The following EIPR1 variants were observed in gnomAD, a reference collection of about 807,000 sequenced individuals.
EIPR1 encodes the protein EARP complex and GARP complex interacting protein 1, also known as EARP and GARP complex-interacting protein 1.
In EIPR1, 25 loss-of-function variants were observed where a neutral mutation model predicts 48.1. The ratio of observed to expected loss-of-function variants is 0.52; its 90% CI spans 0.38 to 0.73. The LOEUF is 0.73. EIPR1 is among the 30% of genes least tolerant of loss of function. EIPR1 has a pLI of 0.00. For missense variants in EIPR1, 415 were observed against 506.2 expected, an observed-to-expected ratio of 0.82 and a Z score of 1.73; for synonymous variants, 204 against 201.9, an observed-to-expected ratio of 1.01 and a Z score of -0.09.
At chr2:3,221,829 A>C (rs1265600523) in intron 4 of EIPR1, among the ~76,000 whole-genome samples, 1 of 149,386 alleles carries the variant, frequency 6.7e-6, no homozygotes, top group Non-Finnish European at 1.5e-5. Flanking sequence ...CAAGCCCACA[A>C]TGGCCGAGAT....
At chr2:3,216,379 C>T (rs1186520746) in intron 4 of EIPR1, among the ~76,000 whole-genome samples, 7 of 152,088 alleles carry the variant, frequency 4.6e-5, no homozygotes, top group Non-Finnish European at 7.4e-5. Context: ...GTGGGCTATG[C>T]CAACAATGCA....
chr2:3,309,157 A>T (rs1669044868), intron 3 of EIPR1, among the ~76,000 whole-genome samples: 1 of 152,212 alleles, frequency 6.6e-6, no homozygotes, highest in South Asian at 2.1e-4. Context: ...ACCACATCTG[A>T]TGGTCAATGT....
intron 5 of EIPR1, among the ~76,000 whole-genome samples, chr2:3,197,445 C>A (rs775222671): frequency 6.6e-6 from 1 of 152,212 alleles, no homozygotes; most frequent in South Asian, 2.1e-4. Context: ...CCAGTGCACG[C>A]CCTCTTCCCT....
At chr2:3,349,036 G>C (rs1670489394) in intron 2 of EIPR1, among the ~76,000 whole-genome samples, 1 of 152,246 alleles carries the variant, frequency 6.6e-6, no homozygotes, top group Admixed American at 6.5e-5. Flanking sequence ...TCTCACCCCA[G>C]AGACACGGCA....
intron 4 of EIPR1, among the ~76,000 whole-genome samples, chr2:3,256,522 T>C (rs1401029325): frequency 6.6e-6 from 1 of 152,192 alleles, no homozygotes; most frequent in Non-Finnish European, 1.5e-5. Flanking sequence ...TAAATTTATT[T>C]AATTGGTAGA....
At chr2:3,210,654 G>A (rs12998568) in intron 5 of EIPR1, among the ~76,000 whole-genome samples, 125,510 of 137,424 alleles carry the variant, frequency 0.91, 57,677 homozygotes, top group East Asian at 0.98. Context: ...TTTTTGAGAC[G>A]GAGTCTCGCT....
intron 4 of EIPR1, among the ~76,000 whole-genome samples, chr2:3,247,763 G>T (rs1435936310): frequency 6.6e-6 from 1 of 152,088 alleles, no homozygotes; most frequent in African/African-American, 2.4e-5. Flanking sequence ...TTTAATAGAA[G>T]AATAACCATA....
At chr2:3,278,117 C>A (rs1238511232) in intron 3 of EIPR1, among the ~76,000 whole-genome samples, 1 of 152,014 alleles carries the variant, frequency 6.6e-6, no homozygotes, top group African/African-American at 2.4e-5. Flanking sequence ...CACCACCGTC[C>A]CCAGGCTCAC....
At chr2:3,347,873 C>T (rs1670450509) in intron 2 of EIPR1, among the ~76,000 whole-genome samples, 1 of 152,176 alleles carries the variant, frequency 6.6e-6, no homozygotes, top group African/African-American at 2.4e-5. Flanking sequence ...CGAAAGGAAG[C>T]CAGGCTACCC....
chr2:3,277,853 A>G (rs6710039), intron 3 of EIPR1, among the ~76,000 whole-genome samples: 96,681 of 152,130 alleles, frequency 0.64, 31,024 homozygotes, highest in East Asian at 0.8. Context: ...AGCTACATGA[A>G]AAGGCGTGTT....
intron 3 of EIPR1, among the ~76,000 whole-genome samples, chr2:3,257,909 G>A (rs1170179186): frequency 2.0e-5 from 3 of 152,118 alleles, no homozygotes; most frequent in East Asian, 1.9e-4. Context: ...TATTCCATTC[G>A]GAAATCCTGT....
intron 3 of EIPR1, among the ~76,000 whole-genome samples, chr2:3,292,288 C>T (rs1186058773): frequency 1.3e-5 from 2 of 152,146 alleles, no homozygotes; most frequent in Non-Finnish European, 2.9e-5. Flanking sequence ...TCTTCAAGTG[C>T]CCCTTCATAA....
intron 2 of EIPR1, among the ~76,000 whole-genome samples, chr2:3,352,384 G>A (rs1032179709): frequency 1.3e-5 from 2 of 149,726 alleles, no homozygotes; most frequent in Admixed American, 6.6e-5. Flanking sequence ...GTCTGTTCCC[G>A]ACACCTTTGA....
At chr2:3,304,365 C>T (rs1558285700) in intron 3 of EIPR1, among the ~76,000 whole-genome samples, 1 of 152,210 alleles carries the variant, frequency 6.6e-6, no homozygotes, top group African/African-American at 2.4e-5. Context: ...GCAACCAAGA[C>T]TATGTGATCC....
chr2:3,317,193 A>G (rs1035668501), intron 3 of EIPR1, among the ~76,000 whole-genome samples: 4 of 125,962 alleles, frequency 3.2e-5, no homozygotes, highest in Non-Finnish European at 6.7e-5. Flanking sequence ...TGCCTTGCAC[A>G]TGGGGTGGAG....
At chr2:3,277,841 G>A (rs2103254947) in intron 3 of EIPR1, among the ~76,000 whole-genome samples, 1 of 152,350 alleles carries the variant, frequency 6.6e-6, no homozygotes, top group East Asian at 1.9e-4. Context: ...AGCATGGAAA[G>A]GAGCTACATG....
chr2:3,250,549 G>A (rs891167055), intron 4 of EIPR1, among the ~76,000 whole-genome samples: 9 of 152,202 alleles, frequency 5.9e-5, no homozygotes, highest in Admixed American at 2.0e-4. Context: ...GGAAAGAGAT[G>A]ATTGAATTTT....
intron 2 of EIPR1, among the ~76,000 whole-genome samples, chr2:3,344,835 G>A (rs925220695): frequency 5.9e-5 from 9 of 151,576 alleles, no homozygotes; most frequent in Non-Finnish European, 1.2e-4. Flanking sequence ...TAGAGACAGG[G>A]TTTCATCATA....
At chr2:3,230,460 T>C (rs1666207223) in intron 4 of EIPR1, among the ~76,000 whole-genome samples, 1 of 152,242 alleles carries the variant, frequency 6.6e-6, no homozygotes, top group Non-Finnish European at 1.5e-5. Flanking sequence ...TGGGCCTGCA[T>C]TTTGACTATA....
Sources: gnomAD v4.1 joint callset for allele counts (sites outside exome capture counted in the v4.1 genomes callset) on GRCh38, gnomAD v4.1.1 for gene constraint, MANE v1.5 for transcripts, NCBI Gene and HGNC (gene_info 2026-07-23, HGNC 2026-07-21) for gene names.